The following WDFY4 variants were observed in gnomAD, a reference collection of about 807,000 sequenced individuals.
WDFY4 encodes the protein WDFY family member 4, also known as WD repeat- and FYVE domain-containing protein 4.
Under a neutral mutation model 351.9 loss-of-function variants are expected in WDFY4, and 169 were observed. That is an observed-to-expected ratio of 0.48 (90% confidence interval 0.42 to 0.55). The LOEUF (loss-of-function observed/expected upper bound fraction) is 0.55, where lower values mean the gene tolerates loss of function less well. Among genes scored for constraint, WDFY4 ranks in the 20% least tolerant of loss-of-function variants. WDFY4 has a pLI of 0.00. For synonymous variants in WDFY4, 1,622 were observed against 1,574.6 expected (o/e 1.03, Z -0.71); for missense variants, 3,803 against 3,935.6 (o/e 0.97, Z 0.90).
intron 19 of WDFY4, among the ~76,000 whole-genome samples, chr10:48,784,052 C>G (rs1432178025): frequency 6.6e-6 from 1 of 152,172 alleles, no homozygotes; most frequent in Non-Finnish European, 1.5e-5. Context: ...AGTAGTATTT[C>G]AAGGTATGGA....
rs1837366685 is a variant in WDFY4 at position 48,901,807 on chromosome 10, C to G, written c.7530C>G (p.Cys2510Trp). 2 of 1,551,576 alleles carry G rather than the reference C, an allele frequency of 1.3e-6. No homozygotes were observed. The highest frequency in any genetic ancestry group is 1.7e-6 in the Non-Finnish European group (2 of 1,146,868). Residue 2510 changes from cysteine to tryptophan, a missense_variant, in exon 47 of 62, where the codon TGC becomes TGG. Cys to Trp is a radical substitution (Grantham distance 215). Transcript: ENST00000325239. ...NDRSKAFKSF[C>W]SFQPSLKGKA... Reference sequence around the variant, plus strand: ...CCCTTCCCTTTTCATGTAGCTTCTGCTCTTTCCAACCCAGCCTGAAGGGGA... The same window carrying G: ...CCCTTCCCTTTTCATGTAGCTTCTGGTCTTTCCAACCCAGCCTGAAGGGGA...
rs2064557928 is a variant in WDFY4 at position 48,733,963 on chromosome 10, C to T, written c.1615C>T (p.Pro539Ser). 5 of 1,551,756 alleles carry T rather than the reference C, an allele frequency of 3.2e-6. No individual in the cohort carries two copies. The highest frequency in any genetic ancestry group is 4.4e-6 in the Non-Finnish European group (5 of 1,147,006). ...NKVSTPGVQD[P>S]ERELTCVMLR... ...AGTGTCCACTCCTGGTGTTCAGGAT[C>T]CAGAAAGAGAACTCACCTGTGTGAT... Residue 539 changes from proline (P) to serine (S), a missense_variant, in exon 10 of 62, where the codon CCA becomes TCA. By Grantham distance (74) the Pro-to-Ser change is moderately conservative (BLOSUM62 -1). Around this residue, in one of 3 missense-constraint regions of WDFY4, gnomAD observed 261 missense variants for 330.2 expected, o/e 0.79. Transcript: ENST00000325239.
chr10:48,697,825 C>T (rs1214069186), intron 1 of WDFY4, among the ~76,000 whole-genome samples: 1 of 152,214 alleles, frequency 6.6e-6, no homozygotes, highest in Non-Finnish European at 1.5e-5. Context: ...CAGGTCTAAC[C>T]ATGCTGGCCT....
intron 47 of WDFY4, among the ~76,000 whole-genome samples, chr10:48,918,618 T>C (rs974156638): frequency 1.3e-5 from 2 of 152,186 alleles, no homozygotes; most frequent in Non-Finnish European, 2.9e-5. Flanking sequence ...AATTTACCAT[T>C]AGAATTGGAG....
chr10:48,803,724 G>A (rs1298469694), intron 25 of WDFY4, among the ~76,000 whole-genome samples: 2 of 152,144 alleles, frequency 1.3e-5, no homozygotes, highest in African/African-American at 4.8e-5. Flanking sequence ...ACCAGCTTAA[G>A]GGATGTAAAA....
At chr10:48,855,072 A>G (rs1339208864) in intron 39 of WDFY4, among the ~76,000 whole-genome samples, 2 of 152,264 alleles carry the variant, frequency 1.3e-5, no homozygotes, top group East Asian at 3.8e-4. Context: ...ATGAAAGAAA[A>G]GAAAAAGAAT....
chr10:48,915,909 C>A (rs1838484678), intron 47 of WDFY4, among the ~76,000 whole-genome samples: 1 of 152,148 alleles, frequency 6.6e-6, no homozygotes, highest in Non-Finnish European at 1.5e-5. Flanking sequence ...GTTTCCAGAG[C>A]CAGCACCATG....
chr10:48,847,120 G>C (rs536626399), intron 39 of WDFY4, among the ~76,000 whole-genome samples: 1 of 152,262 alleles, frequency 6.6e-6, no homozygotes, highest in East Asian at 1.9e-4. Context: ...GGAGGCTAGA[G>C]GTCCGAGAAG....
At chr10:48,842,690 T>C (rs2068649400) in intron 39 of WDFY4, among the ~76,000 whole-genome samples, 1 of 152,228 alleles carries the variant, frequency 6.6e-6, no homozygotes, top group Non-Finnish European at 1.5e-5. Flanking sequence ...ATGTTGGTTC[T>C]TGTTCTTAAA....
intron 47 of WDFY4, among the ~76,000 whole-genome samples, chr10:48,927,970 C>A (rs1424628784): frequency 3.3e-5 from 5 of 152,164 alleles, no homozygotes; most frequent in Non-Finnish European, 7.3e-5. Flanking sequence ...ACACACAAAC[C>A]AACCTCAAGA....
chr10:48,817,267 G>A lies in WDFY4; in HGVS notation c.5363G>A (p.Gly1788Asp). The change falls in exon 32 of 62, where the codon GGT (glycine) becomes GAT (aspartate). Residue 1788 changes from glycine to aspartate, a missense_variant. Around this residue, in one of 3 missense-constraint regions of WDFY4, gnomAD observed 3,054 missense variants for 3,148.6 expected, o/e 0.97. Transcript: ENST00000325239. ...MSQPLAGSED[G>D]AWAQTFPASV... ...CAGCCCCTGGCAGGTTCTGAGGATG[G>A]TGCCTGGGCACAGACCTTCCCGGCC... is the stretch of plus-strand genomic sequence containing the variant. 5 of 1,551,686 alleles carry A rather than the reference G, an allele frequency of 3.2e-6. No individual in the cohort carries two copies. The highest frequency in any genetic ancestry group is 2.0e-5 in the Admixed American group (1 of 51,008).
At chr10:48,941,289 C>CA (rs1019559024) in intron 47 of WDFY4, among the ~76,000 whole-genome samples, 11 of 151,828 alleles carry the variant, frequency 7.2e-5, no homozygotes, top group African/African-American at 9.7e-5. Context: ...AAACAAACAA[C>CA]AAAAAAAACT....
rs2069952375 is a variant in WDFY4, at chr10:48,875,269, T to C, written c.7000+129T>C. 7.2e-6 allele frequency: 3 copies of C among 415,750 alleles called. No individual in the cohort carries two copies. The East Asian group carries it at 1.5e-4, about 20-fold the overall frequency. 25.8% of individuals were successfully genotyped at this position (415,750 alleles called of 1,614,324 possible). ...CTATTGTAGCCAGCCCTGGGACTTATTGTTACTGCACTTCCAGAGAGAAGA... is the reference window on the plus strand; with the variant it reads ...CTATTGTAGCCAGCCCTGGGACTTACTGTTACTGCACTTCCAGAGAGAAGA... On this transcript the variant is annotated intron_variant, in intron 42 of 61. Coordinates refer to ENST00000325239, the MANE Select transcript of WDFY4 (RefSeq NM_001394531.1).
At chr10:48,927,231 C>G (rs997425583) in intron 47 of WDFY4, among the ~76,000 whole-genome samples, 2 of 152,142 alleles carry the variant, frequency 1.3e-5, no homozygotes, top group African/African-American at 4.8e-5. Flanking sequence ...CCCGAACCCT[C>G]CCCCCTGCTT....
intron 2 of WDFY4, among the ~76,000 whole-genome samples, chr10:48,714,974 C>T (rs1338361579): frequency 1.3e-5 from 2 of 152,226 alleles, no homozygotes; most frequent in Non-Finnish European, 2.9e-5. Flanking sequence ...AGAGACATTT[C>T]CAAGCATAGG....
chr10:48,723,334 T>C lies in WDFY4; in HGVS notation c.457-99T>C, dbSNP rs2064154322. 5 of 1,431,408 alleles carry C rather than the reference T, an allele frequency of 3.5e-6. No homozygotes were observed. The South Asian group carries it at 6.9e-5, about 20-fold the overall frequency. 88.7% of individuals were successfully genotyped at this position (1,431,408 alleles called of 1,614,324 possible). ...ACTGGAGCCCAGAGGGACTGTCCCA[T>C]GGCCTCACTGAAATGGCTGCAGGGG... is the stretch of plus-strand genomic sequence containing the variant. On this transcript the variant is annotated intron_variant, in intron 4 of 61. Coordinates refer to ENST00000325239, the MANE Select transcript of WDFY4 (RefSeq NM_001394531.1).
intron 47 of WDFY4, 53 bp from the exon 48 acceptor site, chr10:48,941,753 T>G: frequency 6.5e-7 from 1 of 1,539,542 alleles, no homozygotes; most frequent in Non-Finnish European, 8.8e-7. Context: ...TCTCCCCTGT[T>G]TGTATTCTTG....
chr10:48,861,749 G>A lies in WDFY4; in HGVS notation c.6664-5516G>A, dbSNP rs374243541. ...AGGTTTATATCTTTTGCTATTTGGGGGATTTTTTCAGCCATTTTTTTTTAG... is the reference window on the plus strand; with the variant it reads ...AGGTTTATATCTTTTGCTATTTGGGAGATTTTTTCAGCCATTTTTTTTTAG... On this transcript the variant is annotated intron_variant, in intron 39 of 61. Coordinates refer to ENST00000325239, the MANE Select transcript of WDFY4 (RefSeq NM_001394531.1). Among the ~76,000 whole-genome samples the A allele has an allele frequency of 1.1e-3, 167 of 152,082 alleles. 2 individuals carry two copies. In the South Asian group the frequency reaches 0.033, roughly 30 times the overall value.
intron 38 of WDFY4, among the ~76,000 whole-genome samples, chr10:48,831,512 G>A (rs2068187909): frequency 6.6e-6 from 1 of 152,216 alleles, no homozygotes; most frequent in Admixed American, 6.5e-5. Context: ...AGTGATTCAA[G>A]AGTTAGTTAT....
Sources: gnomAD v4.1 joint callset for allele counts (sites outside exome capture counted in the v4.1 genomes callset) on GRCh38, gnomAD v4.1.1 for gene constraint, gnomAD v4.1.1 regional missense constraint, MANE v1.5 for transcripts, NCBI Gene and HGNC (gene_info 2026-07-23, HGNC 2026-07-21) for gene names.